The following SPATS2 variants were observed in gnomAD, a reference collection of about 807,000 sequenced individuals.
SPATS2 encodes spermatogenesis associated serine rich 2.
In SPATS2, 38 loss-of-function variants were observed where a neutral mutation model predicts 63.7. That is an observed-to-expected ratio of 0.60 (90% confidence interval 0.46 to 0.78). The LOEUF (loss-of-function observed/expected upper bound fraction) is 0.78, where lower values mean the gene tolerates loss of function less well. Ranked by LOEUF, SPATS2 falls within the 30% of genes least tolerant of loss-of-function variation. The pLI, the probability that SPATS2 is intolerant of heterozygous loss-of-function variation, is 0.00. For missense variants in SPATS2, 588 were observed against 666.2 expected, an observed-to-expected ratio of 0.88 and a Z score of 1.29; for synonymous variants, 207 against 232.9, an observed-to-expected ratio of 0.89 and a Z score of 1.01.
intron 3 of SPATS2, among the ~76,000 whole-genome samples, chr12:49,477,060 G>A (rs1267773404): frequency 6.6e-6 from 1 of 150,536 alleles, no homozygotes; most frequent in African/African-American, 2.5e-5. Context: ...AGCCAAGATC[G>A]CCATTACACT....
chr12:49,466,009 A>G (rs1477021116), intron 3 of SPATS2, among the ~76,000 whole-genome samples: 1 of 150,450 alleles, frequency 6.6e-6, no homozygotes, highest in African/African-American at 2.4e-5. Context: ...AGCCCAATTT[A>G]TCTTTTTTTT....
At position 49,474,060 on chromosome 12, in the gene SPATS2, C is replaced by A. The variant is rs1041619113; in HGVS notation, c.26-10530C>A. 2.0e-5 allele frequency among the ~76,000 whole-genome samples: 3 copies of A among 152,184 alleles called. 1 individual carries two copies. Among genetic ancestry groups the A allele is most frequent in the African/African-American group, 7.2e-5 (3 of 41,428 alleles). On this transcript the variant is annotated intron_variant, in intron 3 of 13. Coordinates refer to ENST00000552918, the MANE Select transcript of SPATS2 (RefSeq NM_023071.4). ...CTGGGTAGTAGTACTTGGGTATTTG[C>A]TTTGTGATAAATTATCAGACCAGAA...
chr12:49,378,210 A>G (rs1003892471), intron 2 of SPATS2, among the ~76,000 whole-genome samples: 2 of 152,004 alleles, frequency 1.3e-5, no homozygotes, highest in African/African-American at 4.8e-5. Context: ...TGACCTGATG[A>G]TCTGCCCGCC....
At chr12:49,504,735 T>A (rs1003785722) in intron 9 of SPATS2, among the ~76,000 whole-genome samples, 6 of 256 alleles carry the variant, frequency 0.023, no homozygotes, top group Admixed American at 0.33. Context: ...TATTGGCGCG[T>A]TTTTTTTTTT....
intron 3 of SPATS2, among the ~76,000 whole-genome samples, chr12:49,479,114 C>G (rs1313691870): frequency 6.6e-6 from 1 of 152,246 alleles, no homozygotes; most frequent in Non-Finnish European, 1.5e-5. Context: ...CCATCCCCTG[C>G]CCAGCTCTGG....
Position 49,436,304 on chromosome 12 carries a change from G to T in SPATS2, c.-243-24466G>T, listed in dbSNP as rs553969613. ...CCCCACCTCCCTCCCGGATGGGGCG[G>T]CTGGCCGGGCAGAGGGGCTCCTCAC... is the stretch of plus-strand genomic sequence containing the variant. On this transcript the variant is annotated intron_variant, in intron 2 of 13. Transcript: ENST00000552918. Among the ~76,000 whole-genome samples, 1,471 of 147,384 alleles carry T rather than the reference G, an allele frequency of 1.0e-2. 37 individuals carry two copies. The highest frequency in any genetic ancestry group is 0.035 in the African/African-American group (1,383 of 39,186).
At chr12:49,515,084 A>G (rs12322383) in intron 10 of SPATS2, among the ~76,000 whole-genome samples, 95 of 152,296 alleles carry the variant, frequency 6.2e-4, no homozygotes, top group African/African-American at 1.8e-3. Context: ...TCTGTTATCA[A>G]TGGGTAGGGG....
At chr12:49,391,611 A>T (rs905749081) in intron 2 of SPATS2, among the ~76,000 whole-genome samples, 1 of 152,220 alleles carries the variant, frequency 6.6e-6, no homozygotes, top group African/African-American at 2.4e-5. Context: ...GTTGAAACCT[A>T]AATTTTCTAA....
intron 2 of SPATS2, among the ~76,000 whole-genome samples, chr12:49,417,504 G>A (rs943550558): frequency 6.6e-6 from 1 of 152,230 alleles, no homozygotes; most frequent in Non-Finnish European, 1.5e-5. Flanking sequence ...GACCCCATCT[G>A]ATAAGGCTTT....
chr12:49,507,133 TA>T, intron 9 of SPATS2, among the ~76,000 whole-genome samples: 1 of 152,236 alleles, frequency 6.6e-6, no homozygotes, highest in Non-Finnish European at 1.5e-5. Context: ...CAGAAGGTCC[TA>T]AATCACTATT....
chr12:49,447,156 C>G (rs1005201793), intron 2 of SPATS2, among the ~76,000 whole-genome samples: 1 of 152,176 alleles, frequency 6.6e-6, no homozygotes, highest in Non-Finnish European at 1.5e-5. Flanking sequence ...TCTTGAACTC[C>G]TGATTTCAGG....
At chr12:49,368,623 C>G (rs546961884) in intron 1 of SPATS2, among the ~76,000 whole-genome samples, 3 of 152,152 alleles carry the variant, frequency 2.0e-5, no homozygotes, top group African/African-American at 7.2e-5. Flanking sequence ...TAAATTATTT[C>G]TTGATGTTAA....
chr12:49,519,294 CA>C (rs1159318409), intron 11 of SPATS2, 112 bp downstream of exon 11: 1 of 791,400 alleles, frequency 1.3e-6, no homozygotes, highest in Non-Finnish European at 1.9e-6. Flanking sequence ...CTTCCTTTCC[CA>C]AACCTGGCCC....
At chr12:49,479,140 T>C (rs1214007398) in intron 3 of SPATS2, among the ~76,000 whole-genome samples, 1 of 152,244 alleles carries the variant, frequency 6.6e-6, no homozygotes, top group African/African-American at 2.4e-5. Flanking sequence ...CCTGGGGCTT[T>C]TGTCGACCTT....
chr12:49,501,195 A>C (rs942554010), intron 9 of SPATS2, among the ~76,000 whole-genome samples: 1 of 152,164 alleles, frequency 6.6e-6, no homozygotes, highest in African/African-American at 2.4e-5. Context: ...ACTGGGCTCA[A>C]GTGATCTGCC....
rs182785730 is a variant in SPATS2, at chr12:49,470,547, G to A, written c.25+9510G>A. ...TGGTACAAATTAAAACAATAATAGA[G>A]ATCAGAGAAAGAAAAATATAACTTA... On this transcript the variant is annotated intron_variant, in intron 3 of 13. Coordinates refer to ENST00000552918, the MANE Select transcript of SPATS2 (RefSeq NM_023071.4). Among the ~76,000 whole-genome samples the A allele has an allele frequency of 2.6e-5, 4 of 152,230 alleles. No homozygotes were observed. The East Asian group carries it at 7.7e-4, about 29-fold the overall frequency.
In SPATS2 at chr12:49,435,069, C is replaced by T. The variant is rs1442973472; in HGVS notation, c.-243-25701C>T. Among the ~76,000 whole-genome samples the T allele has an allele frequency of 5.0e-5, 6 of 119,276 alleles. No individual in the cohort carries two copies. The East Asian group carries it at 1.2e-3, about 25-fold the overall frequency. 78.2% of individuals were successfully genotyped at this position (119,276 alleles called of 152,430 possible). On this transcript the variant is annotated intron_variant, in intron 2 of 13. Transcript: ENST00000552918. ...TGAGATGGAGTCTTGCTCTGTCTGTCGCCCAGGTTGGAGTGCAGTGGCGCA... is the reference window on the plus strand; with the variant it reads ...TGAGATGGAGTCTTGCTCTGTCTGTTGCCCAGGTTGGAGTGCAGTGGCGCA...
In SPATS2 at chr12:49,488,421, G is replaced by A. The variant is rs112366003; in HGVS notation, c.106-1044G>A. On this transcript the variant is annotated intron_variant, in intron 4 of 13. Coordinates refer to ENST00000552918, the MANE Select transcript of SPATS2 (RefSeq NM_023071.4). Reference sequence around the variant, plus strand: ...AGCCTGTAATCCCAGCACTTTGGGAGGTGGAGGCAGGCAGATCACTTGAGG... The same window carrying A: ...AGCCTGTAATCCCAGCACTTTGGGAAGTGGAGGCAGGCAGATCACTTGAGG... Among the ~76,000 whole-genome samples the A allele has an allele frequency of 7.5e-3, 1,140 of 152,214 alleles. 9 individuals carry two copies. The highest frequency in any genetic ancestry group is 0.026 in the African/African-American group (1,073 of 41,556).
intron 1 of SPATS2, 118 bp downstream of exon 1, chr12:49,367,705 A>C (rs1284424372): frequency 9.9e-5 from 4 of 40,412 alleles, no homozygotes; most frequent in Non-Finnish European, 9.3e-5. Context: ...GGGGACGGGA[A>C]GGAGGGGGAT....
Sources: gnomAD v4.1 joint callset for allele counts (sites outside exome capture counted in the v4.1 genomes callset) on GRCh38, gnomAD v4.1.1 for gene constraint, MANE v1.5 for transcripts, NCBI Gene and HGNC (gene_info 2026-07-23, HGNC 2026-07-21) for gene names.